SLC6A9: variants seen among roughly 807,000 people sequenced by gnomAD.
The protein encoded by SLC6A9 is sodium- and chloride-dependent glycine transporter 1.
In SLC6A9, 31 loss-of-function variants were observed where a neutral mutation model predicts 70.9. The ratio of observed to expected loss-of-function variants is 0.44; its 90% CI spans 0.33 to 0.59. The LOEUF (loss-of-function observed/expected upper bound fraction) is 0.59. SLC6A9 is among the 20% of genes least tolerant of loss of function. The pLI is 0.04. For synonymous variants in SLC6A9, 310 were observed against 341.3 expected, an observed-to-expected ratio of 0.91 and a Z score of 1.01; for missense variants, 631 against 845.2, an observed-to-expected ratio of 0.75 and a Z score of 3.14.
intron 1 of SLC6A9, among the ~76,000 whole-genome samples, chr1:44,029,032 C>A (rs1329086676): frequency 6.6e-6 from 1 of 152,080 alleles, no homozygotes; most frequent in Non-Finnish European, 1.5e-5. Context: ...ACCCAGAGGA[C>A]GAATGCTGGT....
At chr1:44,021,194 A>G (rs946917823) in intron 2 of SLC6A9, among the ~76,000 whole-genome samples, 1 of 152,126 alleles carries the variant, frequency 6.6e-6, no homozygotes, top group African/African-American at 2.4e-5. Context: ...ATGAGGCCCT[A>G]GGTCTCCACG....
At chr1:44,021,102 G>A (rs991458387) in intron 2 of SLC6A9, among the ~76,000 whole-genome samples, 5 of 152,164 alleles carry the variant, frequency 3.3e-5, no homozygotes, top group Non-Finnish European at 7.3e-5. Flanking sequence ...GAGCTAGTGG[G>A]GGCTCTCTTG....
Position 44,018,597 on chromosome 1 carries a change from AAAT to A in SLC6A9, c.30+5648_30+5650del, listed in dbSNP as rs143546820. Among the ~76,000 whole-genome samples the A allele has an allele frequency of 0.17, 24,153 of 142,052 alleles. 2,471 individuals are homozygous for A. Among genetic ancestry groups the A allele is most frequent in the African/African-American group, 0.28 (10,661 of 38,130 alleles). 93.2% of individuals were successfully genotyped at this position (142,052 alleles called of 152,430 possible). A position where few individuals can be genotyped will look rare whatever the true frequency, so the allele number is the denominator to read the frequency against. On this transcript the variant is annotated intron_variant, in intron 2 of 13. Coordinates refer to ENST00000372310, the MANE Select transcript of SLC6A9 (RefSeq NM_001024845.3). The surrounding 1 kb of genome is among the most constrained non-coding windows in gnomAD (Gnocchi z 4.2). ...CAGCAAGAGCAAAACTCTCTCTCTA[AAAT>A]AATAATAATAATAATAATAATAATA...
intron 2 of SLC6A9, 140 bp from the exon 3 acceptor site, chr1:44,011,022 C>A (rs1339892684): frequency 5.8e-6 from 5 of 862,094 alleles, no homozygotes; most frequent in Non-Finnish European, 9.1e-6. Context: ...GAGCTTCAGG[C>A]AGGCCTGGCA....
At chr1:44,003,904 G>C (rs1488755336) in intron 5 of SLC6A9, among the ~76,000 whole-genome samples, 1 of 152,128 alleles carries the variant, frequency 6.6e-6, no homozygotes, top group Non-Finnish European at 1.5e-5. Context: ...AGGCCTGCAG[G>C]GGCATCTCCC....
intron 2 of SLC6A9, among the ~76,000 whole-genome samples, chr1:44,017,700 C>T (rs575518596): frequency 6.6e-6 from 1 of 152,342 alleles, no homozygotes; most frequent in South Asian, 2.1e-4. Flanking sequence ...ATGGGGACTC[C>T]CAAACTGCCA....
At chr1:44,022,797 C>T (rs1256366292) in intron 2 of SLC6A9, among the ~76,000 whole-genome samples, 1 of 149,006 alleles carries the variant, frequency 6.7e-6, no homozygotes, top group Non-Finnish European at 1.5e-5. Flanking sequence ...TCACTGCAAC[C>T]CGGGTTCAAG....
chr1:44,014,282 TGA>T (rs1368013649), intron 2 of SLC6A9, among the ~76,000 whole-genome samples: 1 of 152,126 alleles, frequency 6.6e-6, no homozygotes, highest in Non-Finnish European at 1.5e-5. Flanking sequence ...CTGGCAGCTC[TGA>T]GAGGCCACTG....
chr1:44,008,538 G>A lies in SLC6A9; in HGVS notation c.405C>T (p.Phe135=). 1 of 1,614,152 alleles carries A rather than the reference G, an allele frequency of 6.2e-7. No homozygotes were observed. The highest frequency in any genetic ancestry group is 8.5e-7 in the Non-Finnish European group (1 of 1,180,016). The change falls in exon 5 of 14, where the codon TTC becomes TTT. Residue 135 remains phenylalanine (F), a synonymous_variant. Coordinates refer to ENST00000372310, the MANE Select transcript of SLC6A9 (RefSeq NM_001024845.3). ...VVICIAFYYF[F]SSMTHVLPWA... The stretch of plus-strand genomic sequence containing the variant: ...AGGGCAGCACGTGCGTCATGGACGA[G>A]AAGAAGTAGTAGAAGGCGATGCAGA...
At chr1:44,029,330 G>A (rs1461387122) in intron 1 of SLC6A9, among the ~76,000 whole-genome samples, 3 of 152,182 alleles carry the variant, frequency 2.0e-5, no homozygotes, top group Admixed American at 2.0e-4. Context: ...CACTGTGTTG[G>A]AGGAAGTGGA....
At chr1:44,014,079 C>T (rs2086661586) in intron 2 of SLC6A9, among the ~76,000 whole-genome samples, 1 of 152,136 alleles carries the variant, frequency 6.6e-6, no homozygotes, top group African/African-American at 2.4e-5. Flanking sequence ...GCCAGCTCAG[C>T]CCCATGGATG....
chr1:44,001,017 C>T lies in SLC6A9; in HGVS notation c.1374G>A (p.Ala458=), dbSNP rs199966777. The change falls in exon 11 of 14, where the codon GCG becomes GCA. Residue 458 remains alanine, a synonymous_variant. Transcript: ENST00000372310. The part of the protein sequence containing the change: ...IYWLLLMDNY[A]ASFSLVVISC... Reference sequence around the variant, plus strand: ...AGATGACCACCAAGGAGAAGCTGGCCGCATAGTTGTCCATCAGCAGCAGCC... The same window carrying T: ...AGATGACCACCAAGGAGAAGCTGGCTGCATAGTTGTCCATCAGCAGCAGCC... 63 of 1,580,474 alleles carry T rather than the reference C, an allele frequency of 4.0e-5. No homozygotes were observed. In the Admixed American group the frequency reaches 5.6e-4, roughly 14 times the overall value.
intron 4 of SLC6A9, among the ~76,000 whole-genome samples, chr1:44,009,720 G>T (rs976647341): frequency 2.6e-5 from 4 of 152,174 alleles, no homozygotes. Context: ...CTTGGTAGGG[G>T]TAAGTTGGCG....
At chr1:44,010,378 T>C (rs2086502141) in intron 3 of SLC6A9, 1 of 428,840 alleles carries the variant, frequency 2.3e-6, no homozygotes, top group Non-Finnish European at 4.3e-6. Flanking sequence ...CAAGCATAAG[T>C]TGCTGAGATC....
At chr1:44,000,047 T>C (rs1413017899) in intron 12 of SLC6A9, among the ~76,000 whole-genome samples, 2 of 152,230 alleles carry the variant, frequency 1.3e-5, no homozygotes, top group African/African-American at 4.8e-5. Context: ...GCTCTGCCTC[T>C]TATTAGCTGT....
intron 2 of SLC6A9, 49 bp downstream of exon 2, chr1:44,024,199 C>A (rs753810595): frequency 6.3e-7 from 1 of 1,591,110 alleles, no homozygotes; most frequent in East Asian, 2.2e-5. Flanking sequence ...GTCCTGGGGG[C>A]AGGGCTTGGG....
rs1219839777 is a variant in SLC6A9 at position 43,997,346 on chromosome 1, G to GCTAT, written c.*195_*198dup. ...TCCACTCCCACCCCTCCCCCCAGCT[G>GCTAT]CTATCTTGGCATCCAAAGGACATGT... On this transcript the variant is annotated 3_prime_UTR_variant, in exon 14 of 14. Coordinates refer to ENST00000372310, the MANE Select transcript of SLC6A9 (RefSeq NM_001024845.3). The surrounding 1 kb of genome is among the most constrained non-coding windows in gnomAD (Gnocchi z 4.4). 3.4e-6 allele frequency: 2 copies of GCTAT among 583,292 alleles called. No homozygotes were observed. The highest frequency in any genetic ancestry group is 2.9e-5 in the East Asian group (1 of 34,052). 36.1% of individuals were successfully genotyped at this position (583,292 alleles called of 1,614,324 possible). A position where few individuals can be genotyped will look rare whatever the true frequency, so the allele number is the denominator to read the frequency against.
At chr1:44,000,897 A>G in intron 11 of SLC6A9, 30 bp from the exon 12 acceptor site, 1 of 1,593,508 alleles carries the variant, frequency 6.3e-7, no homozygotes, top group Non-Finnish European at 8.6e-7. Context: ...GCAGACCCGC[A>G]GGACAGAGTG....
chr1:44,025,598 G>C (rs2086968780), intron 1 of SLC6A9, among the ~76,000 whole-genome samples: 1 of 151,824 alleles, frequency 6.6e-6, no homozygotes, highest in Non-Finnish European at 1.5e-5. Flanking sequence ...TCAGGAGTTT[G>C]AGACCATCCT....
Sources: gnomAD v4.1 joint callset for allele counts (sites outside exome capture counted in the v4.1 genomes callset) on GRCh38, gnomAD v4.1.1 for gene constraint, Gnocchi (gnomAD v3.1) non-coding constraint, MANE v1.5 for transcripts, NCBI Gene and HGNC (gene_info 2026-07-23, HGNC 2026-07-21) for gene names.